Variants in HS6ST3 observed in about 807,000 individuals in gnomAD.
HS6ST3 encodes the protein heparan-sulfate 6-O-sulfotransferase 3.
HS6ST3 carries 12 observed loss-of-function variants against 36.7 expected under a neutral mutation model. That is an observed-to-expected ratio of 0.33 (90% CI 0.21 to 0.53). HS6ST3 has a LOEUF of 0.53. Among genes scored for constraint, HS6ST3 ranks in the 20% least tolerant of loss-of-function variants. HS6ST3 has a pLI of 0.95. For synonymous variants in HS6ST3, 240 were observed against 257.5 expected, an observed-to-expected ratio of 0.93 and a Z score of 0.65; for missense variants, 584 against 640.9, an observed-to-expected ratio of 0.91 and a Z score of 0.96.
At chr13:96,414,752 G>A (rs1402702428) in intron 1 of HS6ST3, among the ~76,000 whole-genome samples, 1 of 152,188 alleles carries the variant, frequency 6.6e-6, no homozygotes, top group Non-Finnish European at 1.5e-5. Context: ...AAAGTGCAGG[G>A]ATTACAGGTG....
intron 1 of HS6ST3, among the ~76,000 whole-genome samples, chr13:96,219,093 A>G (rs1314634937): frequency 6.6e-6 from 1 of 152,092 alleles, no homozygotes; most frequent in African/African-American, 2.4e-5. Flanking sequence ...TAGTCGGCCT[A>G]AATTAAGACC....
In HS6ST3 at chr13:96,150,990, T is replaced by A. The variant is rs2054082184; in HGVS notation, c.707+59421T>A. ...TCTATTACTATTTCCTTCTGGCATGTAGGTTGTTTGAAAACATTTCTAAGG... is the reference window on the plus strand; with the variant it reads ...TCTATTACTATTTCCTTCTGGCATGAAGGTTGTTTGAAAACATTTCTAAGG... On this transcript the variant is annotated intron_variant, in intron 1 of 1. Coordinates refer to ENST00000376705, the MANE Select transcript of HS6ST3 (RefSeq NM_153456.4). Among the ~76,000 whole-genome samples, 3 of 152,190 alleles carry A rather than the reference T, an allele frequency of 2.0e-5. No homozygotes were observed. The South Asian group carries it at 6.2e-4, about 32-fold the overall frequency.
chr13:96,811,179 C>T (rs916199522), intron 1 of HS6ST3, among the ~76,000 whole-genome samples: 1 of 152,192 alleles, frequency 6.6e-6, no homozygotes, highest in African/African-American at 2.4e-5. Flanking sequence ...ATTCTTGTTA[C>T]TTACCTCGGG....
rs561331934 is a variant in HS6ST3, at chr13:96,383,729, A to G, written c.707+292160A>G. On this transcript the variant is annotated intron_variant, in intron 1 of 1. Coordinates refer to ENST00000376705, the MANE Select transcript of HS6ST3 (RefSeq NM_153456.4). Reference sequence around the variant, plus strand: ...GGGACCCCCTCAAAGTGGGGGGGACATAGAGGAAGGGGTTAGTTTTCAAGT... The same window carrying G: ...GGGACCCCCTCAAAGTGGGGGGGACGTAGAGGAAGGGGTTAGTTTTCAAGT... 3.3e-5 allele frequency among the ~76,000 whole-genome samples: 5 copies of G among 151,776 alleles called. No individual in the cohort carries two copies. In the South Asian group the frequency reaches 8.4e-4, roughly 25 times the overall value.
At chr13:96,287,061 G>A (rs1420323250) in intron 1 of HS6ST3, among the ~76,000 whole-genome samples, 1 of 152,116 alleles carries the variant, frequency 6.6e-6, no homozygotes, top group Non-Finnish European at 1.5e-5. Flanking sequence ...CCTCTCCTCT[G>A]GAGGTCCTTG....
intron 1 of HS6ST3, among the ~76,000 whole-genome samples, chr13:96,535,399 A>T (rs573433464): frequency 1.9e-3 from 285 of 151,968 alleles, no homozygotes; most frequent in Non-Finnish European, 2.9e-3. Flanking sequence ...TACTAAAAAA[A>T]TACTAAAAAT....
chr13:96,407,484 C>T (rs528561601), intron 1 of HS6ST3, among the ~76,000 whole-genome samples: 3 of 152,250 alleles, frequency 2.0e-5, no homozygotes, highest in African/African-American at 4.8e-5. Context: ...CAAGGCCATG[C>T]GATATGCCTA....
intron 1 of HS6ST3, among the ~76,000 whole-genome samples, chr13:96,601,950 A>T (rs1223237993): frequency 6.6e-6 from 1 of 152,168 alleles, no homozygotes; most frequent in Non-Finnish European, 1.5e-5. Context: ...TGGGTGTGTG[A>T]GCAGGTTCAC....
intron 1 of HS6ST3, among the ~76,000 whole-genome samples, chr13:96,660,907 C>T (rs561116911): frequency 6.6e-6 from 1 of 152,206 alleles, no homozygotes; most frequent in African/African-American, 2.4e-5. Flanking sequence ...CTAGAACAAG[C>T]AGGTAGAAGA....
chr13:96,251,511 G>A (rs1052235460), intron 1 of HS6ST3, among the ~76,000 whole-genome samples: 5 of 151,618 alleles, frequency 3.3e-5, no homozygotes, highest in Non-Finnish European at 7.4e-5. Context: ...TATTGATTTT[G>A]TTTATCTTTT....
In HS6ST3 at chr13:96,631,130, A is replaced by C. The variant is rs140873635; in HGVS notation, c.708-201360A>C. On this transcript the variant is annotated intron_variant, in intron 1 of 1. Coordinates refer to ENST00000376705, the MANE Select transcript of HS6ST3 (RefSeq NM_153456.4). Reference sequence around the variant, plus strand: ...ATCTTCAGAACTAAACAGTAGTCAAATGAGCTGAAAAGGTGCTGGTGATAT... The same window carrying C: ...ATCTTCAGAACTAAACAGTAGTCAACTGAGCTGAAAAGGTGCTGGTGATAT... Among the ~76,000 whole-genome samples, 23 of 152,276 alleles carry C rather than the reference A, an allele frequency of 1.5e-4. 1 individual carries two copies. Among genetic ancestry groups the C allele is most frequent in the Non-Finnish European group, 3.1e-4 (21 of 68,022 alleles).
At chr13:96,254,449 ATATATATAT>A (rs1374582578) in intron 1 of HS6ST3, among the ~76,000 whole-genome samples, 1 of 3,730 alleles carries the variant, frequency 2.7e-4, no homozygotes, top group African/African-American at 8.8e-4. Context: ...AAAAAAAAAA[ATATATATAT>A]ATATATATAT....
chr13:96,328,177 TCTC>T (rs1395145713), intron 1 of HS6ST3, among the ~76,000 whole-genome samples: 10 of 142,296 alleles, frequency 7.0e-5, no homozygotes, highest in Non-Finnish European at 7.7e-5. Flanking sequence ...TTTATTTCCT[TCTC>T]CTGCCTAATT....
intron 1 of HS6ST3, among the ~76,000 whole-genome samples, chr13:96,155,395 G>T (rs1237023921): frequency 6.6e-6 from 1 of 151,936 alleles, no homozygotes; most frequent in Non-Finnish European, 1.5e-5. Flanking sequence ...ATATATTCTT[G>T]CCTTGTGGAC....
chr13:96,442,634 G>A (rs1434281476), intron 1 of HS6ST3, among the ~76,000 whole-genome samples: 1 of 152,174 alleles, frequency 6.6e-6, no homozygotes, highest in Non-Finnish European at 1.5e-5. Flanking sequence ...AAATAGCCAT[G>A]CATCCAAGGG....
chr13:96,215,504 C>T (rs1167832685), intron 1 of HS6ST3, among the ~76,000 whole-genome samples: 1 of 152,030 alleles, frequency 6.6e-6, no homozygotes, highest in East Asian at 1.9e-4. Flanking sequence ...GTGTACTCTT[C>T]TATAGTTCTG....
intron 1 of HS6ST3, among the ~76,000 whole-genome samples, chr13:96,636,052 A>T (rs1426178737): frequency 2.6e-5 from 4 of 152,062 alleles, no homozygotes; most frequent in African/African-American, 4.8e-5. Context: ...TAAAAACCTG[A>T]CTGTAGAGGC....
At chr13:96,417,759 CAT>C (rs1491066121) in intron 1 of HS6ST3, among the ~76,000 whole-genome samples, 2 of 151,004 alleles carry the variant, frequency 1.3e-5, no homozygotes, top group Non-Finnish European at 3.0e-5. Flanking sequence ...CACACACACA[CAT>C]AATAGTCTAT....
chr13:96,334,014 C>T lies in HS6ST3; in HGVS notation c.707+242445C>T, dbSNP rs74659378. On this transcript the variant is annotated intron_variant, in intron 1 of 1. Coordinates refer to ENST00000376705, the MANE Select transcript of HS6ST3 (RefSeq NM_153456.4). ...GGTACCTGTCTGGTACCTGGCACCA[C>T]GGCCTGTAGGGTGGGTACACTGTGG... Among the ~76,000 whole-genome samples the T allele has an allele frequency of 7.4e-3, 1,129 of 152,186 alleles. 11 individuals are homozygous for T. The highest frequency in any genetic ancestry group is 0.018 in the East Asian group (93 of 5,170).
Sources: allele counts gnomAD v4.1 joint callset (sites outside exome capture counted in the v4.1 genomes callset), GRCh38; gene constraint gnomAD v4.1.1; transcripts MANE v1.5; gene names NCBI Gene and HGNC (gene_info 2026-07-23, HGNC 2026-07-21).